The following WDR70 variants were observed in gnomAD, a reference collection of about 807,000 sequenced individuals.
The protein encoded by WDR70 is WD repeat-containing protein 70.
In WDR70, 53 loss-of-function variants were observed where a neutral mutation model predicts 88.6. The observed-to-expected ratio is 0.60, with a 90% CI of 0.48 to 0.75. WDR70 has a LOEUF of 0.75. WDR70 is among the 30% of genes least tolerant of loss of function. The pLI, the probability that WDR70 is intolerant of heterozygous loss-of-function variation, is 0.00. For synonymous variants in WDR70, 280 were observed against 270.0 expected, an observed-to-expected ratio of 1.04 and a Z score of -0.36; for missense variants, 610 against 823.2, an observed-to-expected ratio of 0.74 and a Z score of 3.17.
Position 37,643,322 on chromosome 5 carries a change from T to C in WDR70, c.1092+38084T>C, listed in dbSNP as rs181386467. On this transcript the variant is annotated intron_variant, in intron 10 of 17. Transcript: ENST00000265107. ...TGTGTGGATTTATTTTGGGGTTCAC[T>C]ATTCCACTTCATTGGTCTATGTGTC... Among the ~76,000 whole-genome samples, 134 of 152,214 alleles carry C rather than the reference T, an allele frequency of 8.8e-4. 1 individual carries two copies. Among genetic ancestry groups the C allele is most frequent in the Non-Finnish European group, 1.3e-3 (86 of 67,954 alleles).
At chr5:37,732,220 T>G (rs1247222280) in intron 17 of WDR70, among the ~76,000 whole-genome samples, 2 of 152,068 alleles carry the variant, frequency 1.3e-5, no homozygotes, top group Non-Finnish European at 2.9e-5. Flanking sequence ...GAGAGAGAGA[T>G]ATGTGTAGAT....
intron 13 of WDR70, among the ~76,000 whole-genome samples, chr5:37,710,637 A>G (rs1353720653): frequency 6.6e-6 from 1 of 152,182 alleles, no homozygotes; most frequent in Non-Finnish European, 1.5e-5. Flanking sequence ...AAAAAATGCA[A>G]AAAATCTATG....
chr5:37,578,386 G>A, intron 9 of WDR70, among the ~76,000 whole-genome samples: 1 of 152,122 alleles, frequency 6.6e-6, no homozygotes, highest in East Asian at 1.9e-4. Context: ...AGCTCTAAGT[G>A]TAATAAACCC....
At position 37,379,324 on chromosome 5, in the gene WDR70, G is replaced by T; in HGVS notation, c.-44G>T. The T allele has an allele frequency of 6.2e-7, 1 of 1,612,632 alleles. No homozygotes were observed. Among genetic ancestry groups the T allele is most frequent in the Non-Finnish European group, 8.5e-7 (1 of 1,179,398 alleles). On this transcript the variant is annotated 5_prime_UTR_variant, in exon 1 of 18. Transcript: ENST00000265107. The stretch of plus-strand genomic sequence containing the variant: ...GTTATTGGCAAGTTCCCCTGCAGTT[G>T]TTTGGGCTGTCCCTGTGGCTGGTTC...
At chr5:37,581,129 C>T (rs1743205361) in intron 9 of WDR70, among the ~76,000 whole-genome samples, 1 of 152,134 alleles carries the variant, frequency 6.6e-6, no homozygotes, top group African/African-American at 2.4e-5. Flanking sequence ...TTCTTTTCAA[C>T]AGAGTAAGAA....
At chr5:37,627,349 T>C (rs1387955567) in intron 10 of WDR70, among the ~76,000 whole-genome samples, 1 of 152,170 alleles carries the variant, frequency 6.6e-6, no homozygotes, top group East Asian at 1.9e-4. Context: ...GCTCAAATGA[T>C]CCTCCAACCT....
chr5:37,563,752 G>C (rs528889396), intron 9 of WDR70, among the ~76,000 whole-genome samples: 2,297 of 95,858 alleles, frequency 0.024, 200 homozygotes, highest in South Asian at 0.033. Context: ...GGGCGGAGAT[G>C]CTCCTCACGT....
chr5:37,482,992 G>A (rs1392784939), intron 8 of WDR70, among the ~76,000 whole-genome samples: 2 of 151,046 alleles, frequency 1.3e-5, no homozygotes, highest in Non-Finnish European at 2.9e-5. Flanking sequence ...GGTAGTGTGC[G>A]ATGATCATGC....
At chr5:37,509,667 C>G (rs1214084783) in intron 8 of WDR70, among the ~76,000 whole-genome samples, 1 of 152,144 alleles carries the variant, frequency 6.6e-6, no homozygotes, top group Admixed American at 6.5e-5. Flanking sequence ...GTGCTGCTCT[C>G]TAGTCAAAGC....
chr5:37,518,516 G>T (rs763698191), intron 9 of WDR70, among the ~76,000 whole-genome samples: 1 of 151,956 alleles, frequency 6.6e-6, no homozygotes, highest in Admixed American at 6.6e-5. Flanking sequence ...CATTAATGTT[G>T]TTATAAGTTA....
Position 37,477,300 on chromosome 5 carries a change from G to A in WDR70, c.687-2534G>A, listed in dbSNP as rs1194991877. Among the ~76,000 whole-genome samples the A allele has an allele frequency of 2.0e-5, 3 of 152,008 alleles. No individual in the cohort carries two copies. In the East Asian group the frequency reaches 5.8e-4, roughly 29 times the overall value. ...GTTTTTCTGAAAACATCTTTATTTT[G>A]CCTTTAAGTGATTCTGTAATTCTAG... On this transcript the variant is annotated intron_variant, in intron 7 of 17. Coordinates refer to ENST00000265107, the MANE Select transcript of WDR70 (RefSeq NM_018034.4).
At chr5:37,420,691 G>T (rs1185006517) in intron 5 of WDR70, among the ~76,000 whole-genome samples, 2 of 151,914 alleles carry the variant, frequency 1.3e-5, no homozygotes, top group Non-Finnish European at 2.9e-5. Context: ...TTGGGAGGAT[G>T]ACATGAGGTT....
chr5:37,540,114 A>G (rs1258493923), intron 9 of WDR70, among the ~76,000 whole-genome samples: 2 of 152,336 alleles, frequency 1.3e-5, no homozygotes, highest in Admixed American at 6.5e-5. Context: ...TTAAGCCTAC[A>G]TGGAGTATTG....
chr5:37,422,138 A>C (rs184409869), intron 5 of WDR70, among the ~76,000 whole-genome samples: 2 of 152,262 alleles, frequency 1.3e-5, no homozygotes, highest in Admixed American at 1.3e-4. Context: ...AATAAATGAA[A>C]AATACCACTG....
chr5:37,551,854 C>G (rs1742158243), intron 9 of WDR70, among the ~76,000 whole-genome samples: 1 of 136,600 alleles, frequency 7.3e-6, no homozygotes, highest in Non-Finnish European at 1.5e-5. Flanking sequence ...TCACTGCAAA[C>G]TCTGCCTCCC....
chr5:37,609,427 A>T (rs1367906452), intron 10 of WDR70, among the ~76,000 whole-genome samples: 3 of 152,214 alleles, frequency 2.0e-5, no homozygotes, highest in Admixed American at 2.0e-4. Flanking sequence ...TCTATCAGGA[A>T]TCTACAATAT....
chr5:37,468,226 T>C (rs1232768933), intron 7 of WDR70, among the ~76,000 whole-genome samples: 1 of 152,220 alleles, frequency 6.6e-6, no homozygotes, highest in Admixed American at 6.5e-5. Flanking sequence ...CACTTGTTGA[T>C]GTAAATCTGA....
rs1749262795 is a variant in WDR70 at position 37,403,491 on chromosome 5, A to C, written c.492+6921A>C. Among the ~76,000 whole-genome samples the C allele has an allele frequency of 4.6e-5, 7 of 152,136 alleles. No homozygotes were observed. The South Asian group carries it at 1.4e-3, about 31-fold the overall frequency. ...ACTAATAGTACTAATTCCCTAAATG[A>C]GGGAAAACACCACCACAGCAGGGCA... On this transcript the variant is annotated intron_variant, in intron 5 of 17. Transcript: ENST00000265107.
intron 8 of WDR70, among the ~76,000 whole-genome samples, chr5:37,489,622 TC>T (rs1013442817): frequency 1.3e-5 from 2 of 152,038 alleles, no homozygotes; most frequent in African/African-American, 4.8e-5. Context: ...CAGTAGGTTT[TC>T]TGGCCTGTTA....
Sources: gnomAD v4.1 joint callset for allele counts (sites outside exome capture counted in the v4.1 genomes callset) on GRCh38, gnomAD v4.1.1 for gene constraint, MANE v1.5 for transcripts, NCBI Gene and HGNC (gene_info 2026-07-23, HGNC 2026-07-21) for gene names.